Variants in FAM184A observed in about 807,000 individuals in gnomAD.
The protein encoded by FAM184A is family with sequence similarity 184 member A, also known as protein FAM184A.
FAM184A carries 99 observed loss-of-function variants against 143.8 expected under a neutral mutation model. The observed-to-expected ratio is 0.69, with a 90% confidence interval of 0.58 to 0.81. The LOEUF (loss-of-function observed/expected upper bound fraction) is 0.81, where lower values mean the gene tolerates loss of function less well. FAM184A is among the 40% of genes least tolerant of loss of function. The probability of loss-of-function intolerance (pLI) is 0.00; values close to 1 mark genes in which losing one functional copy is unlikely to be tolerated. For synonymous variants in FAM184A, 427 were observed against 446.4 expected (o/e 0.96, Z 0.55); for missense variants, 1,217 against 1,310.5 (o/e 0.93, Z 1.10).
intron 1 of FAM184A, among the ~76,000 whole-genome samples, chr6:119,112,367 A>T (rs1788955809): frequency 6.6e-6 from 1 of 152,166 alleles, no homozygotes; most frequent in Middle Eastern, 3.2e-3. Context: ...ACCTCAGGTG[A>T]TCCGCCTGCC....
rs1785554701 is a variant in FAM184A, at chr6:119,024,288, A to T, written c.685T>A (p.Ser229Thr). ...AEELHRMEVE[S>T]LNKMLEELRL... Reference sequence around the variant, plus strand: ...AGCTCCTCAAGCATTTTGTTTAGGGACTCCACCTCCATTCTGTGTAGTTCC... The same window carrying T: ...AGCTCCTCAAGCATTTTGTTTAGGGTCTCCACCTCCATTCTGTGTAGTTCC... Residue 229 changes from serine (S) to threonine (T), a missense_variant, in exon 2 of 18, where the codon TCC becomes ACC. By Grantham distance (58) the Ser-to-Thr change is moderately conservative. Coordinates refer to ENST00000338891, the MANE Select transcript of FAM184A (RefSeq NM_024581.6). 1 of 1,613,578 alleles carries T rather than the reference A, an allele frequency of 6.2e-7. No individual in the cohort carries two copies. Among genetic ancestry groups the T allele is most frequent in the Admixed American group, 1.7e-5 (1 of 59,966 alleles).
chr6:119,135,046 A>G (rs2114881431), intron 1 of FAM184A, among the ~76,000 whole-genome samples: 1 of 152,368 alleles, frequency 6.6e-6, no homozygotes, highest in African/African-American at 2.4e-5. Flanking sequence ...TATGCACTAG[A>G]AAACATGTTT....
chr6:119,125,377 G>C (rs935997975), intron 1 of FAM184A, among the ~76,000 whole-genome samples: 1 of 152,170 alleles, frequency 6.6e-6, no homozygotes, highest in South Asian at 2.1e-4. Context: ...CCAGGTTTAA[G>C]TGATTCTCCT....
At chr6:119,094,342 T>A (rs1385440663) in intron 1 of FAM184A, among the ~76,000 whole-genome samples, 1 of 152,186 alleles carries the variant, frequency 6.6e-6, no homozygotes, top group African/African-American at 2.4e-5. Flanking sequence ...CTCGTCTTTT[T>A]CTTTGAGGCA....
intron 9 of FAM184A, among the ~76,000 whole-genome samples, chr6:118,996,453 C>T (rs2114624410): frequency 6.6e-6 from 1 of 152,214 alleles, no homozygotes; most frequent in Admixed American, 6.5e-5. Flanking sequence ...TAGGTCATGC[C>T]AGCTATTCTC....
rs775511762 is a variant in FAM184A at position 119,078,228 on chromosome 6, C to G, written c.72G>C (p.Pro24=). The G allele has an allele frequency of 2.6e-6, 4 of 1,539,588 alleles. No individual in the cohort carries two copies. The highest frequency in any genetic ancestry group is 3.5e-6 in the Non-Finnish European group (4 of 1,146,546). ...GGSAAKFAPS[P]ATAQLAGHSM... Reference sequence around the variant, plus strand: ...TGTGCCCAGCCAGCTGTGCGGTGGCCGGCGAGGGCGCGAATTTGGCCGCCG... The same window carrying G: ...TGTGCCCAGCCAGCTGTGCGGTGGCGGGCGAGGGCGCGAATTTGGCCGCCG... Residue 24 remains proline (P), a synonymous_variant, in exon 1 of 18, where the codon CCG becomes CCC. Coordinates refer to ENST00000338891, the MANE Select transcript of FAM184A (RefSeq NM_024581.6). This position sits in a 1 kb window ranked among gnomAD's most constrained non-coding sequence, Gnocchi z 5.5.
intron 1 of FAM184A, among the ~76,000 whole-genome samples, chr6:119,105,064 G>A (rs914053659): frequency 1.3e-5 from 2 of 152,144 alleles, no homozygotes. Context: ...TAAGAGATAC[G>A]ATGACTAAAT....
intron 1 of FAM184A, among the ~76,000 whole-genome samples, chr6:119,097,780 C>A (rs573262374): frequency 6.6e-5 from 10 of 152,310 alleles, no homozygotes; most frequent in South Asian, 4.1e-4. Flanking sequence ...TTCTCTCTCT[C>A]TGACCTGCCT....
intron 1 of FAM184A, among the ~76,000 whole-genome samples, chr6:119,071,176 C>T (rs1330440887): frequency 6.6e-6 from 1 of 152,154 alleles, no homozygotes; most frequent in Non-Finnish European, 1.5e-5. Flanking sequence ...TCTTTCATAA[C>T]ACTTTTTAAG....
intron 9 of FAM184A, among the ~76,000 whole-genome samples, chr6:118,988,623 A>G (rs1187406725): frequency 6.6e-6 from 1 of 152,226 alleles, no homozygotes; most frequent in African/African-American, 2.4e-5. Flanking sequence ...AATCACTAGA[A>G]ATTAAGGATT....
intron 17 of FAM184A, among the ~76,000 whole-genome samples, chr6:118,960,599 T>C (rs988256282): frequency 6.6e-6 from 1 of 152,236 alleles, no homozygotes; most frequent in Non-Finnish European, 1.5e-5. Context: ...TTTTTTACTA[T>C]ATGCATTTTA....
intron 1 of FAM184A, among the ~76,000 whole-genome samples, chr6:119,099,147 T>C (rs868696443): frequency 3.3e-5 from 5 of 152,006 alleles, no homozygotes; most frequent in Admixed American, 6.6e-5. Flanking sequence ...ACAAAAAAGC[T>C]TCCCGGAGGG....
At chr6:119,084,727 C>T (rs117878891) in intron 1 of FAM184A, among the ~76,000 whole-genome samples, 6,814 of 152,344 alleles carry the variant, frequency 0.045, 224 homozygotes, top group Non-Finnish European at 0.072. Flanking sequence ...CATGAGGGCT[C>T]TGCCTCTGCA....
At chr6:119,067,987 T>C (rs995863853) in intron 1 of FAM184A, among the ~76,000 whole-genome samples, 1 of 150,038 alleles carries the variant, frequency 6.7e-6, no homozygotes, top group African/African-American at 2.5e-5. Context: ...AATAAATAAA[T>C]AAACAAACAA....
At chr6:118,960,837 G>A (rs1783298044) in intron 17 of FAM184A, 11 of 1,365,326 alleles carry the variant, frequency 8.1e-6, no homozygotes, top group Non-Finnish European at 1.1e-5. Flanking sequence ...TGTTCCTTGA[G>A]CTCATGCACA....
rs139873346 is a variant in FAM184A at position 119,032,567 on chromosome 6, A to C, written c.160-7754T>G. On this transcript the variant is annotated intron_variant, in intron 1 of 17. Coordinates refer to ENST00000338891, the MANE Select transcript of FAM184A (RefSeq NM_024581.6). Reference sequence around the variant, plus strand: ...GAGAGGGAAGAGAAGGAGAAGGAGAAGGAAGAGGAGGAAGAGGAGGAGAAG... The same window carrying C: ...GAGAGGGAAGAGAAGGAGAAGGAGACGGAAGAGGAGGAAGAGGAGGAGAAG... Among the ~76,000 whole-genome samples the C allele has an allele frequency of 3.4e-3, 438 of 127,276 alleles. 1 individual carries two copies. Among genetic ancestry groups the C allele is most frequent in the African/African-American group, 0.013 (422 of 33,688 alleles). 83.5% of individuals were successfully genotyped at this position (127,276 alleles called of 152,430 possible).
intron 9 of FAM184A, among the ~76,000 whole-genome samples, chr6:118,986,310 T>C (rs974699825): frequency 1.3e-4 from 20 of 152,100 alleles, no homozygotes; most frequent in African/African-American, 4.8e-4. Flanking sequence ...AAAAAAAATT[T>C]GTGGAATATG....
Position 119,078,285 on chromosome 6 carries a change from G to C in FAM184A, c.15C>G (p.Gly5=), listed in dbSNP as rs1787952368. Reference sequence around the variant, plus strand: ...CGTAATAGTGCTGCTGCCAGCTCATGCCCGGGGTCGCCATCTTCCCAACAG... The same window carrying C: ...CGTAATAGTGCTGCTGCCAGCTCATCCCCGGGGTCGCCATCTTCCCAACAG... MATP[G]MSWQQHYYGG... is the part of the protein sequence containing the mutation. Residue 5 remains glycine, a synonymous_variant, in exon 1 of 18, where the codon GGC becomes GGG. Coordinates refer to ENST00000338891, the MANE Select transcript of FAM184A (RefSeq NM_024581.6). The surrounding 1 kb of genome is among the most constrained non-coding windows in gnomAD (Gnocchi z 5.5). 1 of 1,499,608 alleles carries C rather than the reference G, an allele frequency of 6.7e-7. No homozygotes were observed. The highest frequency in any genetic ancestry group is 1.3e-5 in the South Asian group (1 of 79,000). 92.9% of individuals were successfully genotyped at this position (1,499,608 alleles called of 1,614,324 possible). A position where few individuals can be genotyped will look rare whatever the true frequency, so the allele number is the denominator to read the frequency against.
At chr6:118,969,993 A>AAAATATATATATATATATATATATATAT (rs1554264562) in intron 14 of FAM184A, among the ~76,000 whole-genome samples, 1 of 24,384 alleles carries the variant, frequency 4.1e-5, no homozygotes, top group African/African-American at 1.4e-4. Flanking sequence ...ATATATATAT[A>AAAATATATATATATATATATATATATAT]ATATATATAT....
Sources: allele counts gnomAD v4.1 joint callset (sites outside exome capture counted in the v4.1 genomes callset), GRCh38; gene constraint gnomAD v4.1.1; non-coding constraint Gnocchi (gnomAD v3.1); transcripts MANE v1.5; gene names NCBI Gene and HGNC (gene_info 2026-07-23, HGNC 2026-07-21).